Variants in PDE12 observed in about 807,000 individuals in gnomAD.
PDE12 encodes phosphodiesterase 12.
In PDE12, 26 loss-of-function variants were observed where a neutral mutation model predicts 45.4. The observed-to-expected ratio is 0.57, with a 90% CI of 0.42 to 0.79. The LOEUF is 0.79. Among genes scored for constraint, PDE12 ranks in the 30% least tolerant of loss-of-function variants. The probability of loss-of-function intolerance (pLI) is 0.00; values close to 1 mark genes in which losing one functional copy is unlikely to be tolerated. For synonymous variants in PDE12, 283 were observed against 323.9 expected, an observed-to-expected ratio of 0.87 and a Z score of 1.36; for missense variants, 668 against 790.0, an observed-to-expected ratio of 0.85 and a Z score of 1.85.
the PDE12 span, among the ~76,000 whole-genome samples, chr3:57,650,688 T>A: frequency 4.6e-5 from 7 of 152,172 alleles, no homozygotes; most frequent in East Asian, 1.4e-3. Context: ...TACACAAATG[T>A]GGACAGTAGC....
chr3:57,614,305 A>C, the PDE12 span, among the ~76,000 whole-genome samples: 1 of 152,202 alleles, frequency 6.6e-6, no homozygotes, highest in Non-Finnish European at 1.5e-5. Context: ...CAAGTCATAC[A>C]AAGTATGTTC....
At chr3:57,613,915 A>AG in the PDE12 span, among the ~76,000 whole-genome samples, 1 of 151,102 alleles carries the variant, frequency 6.6e-6, no homozygotes, top group Non-Finnish European at 1.5e-5. Flanking sequence ...AAAAAAAAAA[A>AG]AAAAAAAAGA....
the PDE12 span, among the ~76,000 whole-genome samples, chr3:57,613,184 T>C: frequency 2.5e-4 from 38 of 151,722 alleles, no homozygotes; most frequent in Non-Finnish European, 4.3e-4. Flanking sequence ...TTTCACCATG[T>C]TACCCAGGCT....
At chr3:57,606,786 C>T in the PDE12 span, among the ~76,000 whole-genome samples, 82 of 152,178 alleles carry the variant, frequency 5.4e-4, no homozygotes, top group Non-Finnish European at 8.8e-4. Context: ...TATATAATAG[C>T]GGGGCAGTTC....
At chr3:57,575,777 T>A in the PDE12 span, 1 of 1,245,368 alleles carries the variant, frequency 8.0e-7, no homozygotes, top group Non-Finnish European at 1.1e-6. Context: ...TTATTAAACA[T>A]TAACCTAATT....
At chr3:57,635,711 T>A in the PDE12 span, among the ~76,000 whole-genome samples, 4 of 152,222 alleles carry the variant, frequency 2.6e-5, no homozygotes, top group African/African-American at 9.6e-5. Context: ...AATCTTATAT[T>A]GCTAAAAAAT....
chr3:57,614,849 C>T, the PDE12 span, among the ~76,000 whole-genome samples: 1 of 151,172 alleles, frequency 6.6e-6, no homozygotes, highest in Non-Finnish European at 1.5e-5. Flanking sequence ...AAAAATTAGT[C>T]GGGCGTGGTG....
the PDE12 span, chr3:57,646,364 A>G: frequency 6.2e-7 from 1 of 1,614,120 alleles, no homozygotes; most frequent in Admixed American, 1.7e-5. Flanking sequence ...TGATGGCGCC[A>G]TAACCACAAG....
At chr3:57,612,463 A>G in the PDE12 span, among the ~76,000 whole-genome samples, 1 of 152,140 alleles carries the variant, frequency 6.6e-6, no homozygotes, top group Non-Finnish European at 1.5e-5. Flanking sequence ...TAATCACTCA[A>G]AAGAGATAAA....
At chr3:57,647,628 A>G in the PDE12 span, among the ~76,000 whole-genome samples, 1 of 152,158 alleles carries the variant, frequency 6.6e-6, no homozygotes, top group Non-Finnish European at 1.5e-5. Flanking sequence ...AGGTTGTCAC[A>G]ATGTGGGACC....
the PDE12 span, chr3:57,584,176 T>C: frequency 1.4e-6 from 1 of 698,448 alleles, no homozygotes; most frequent in African/African-American, 1.8e-5. Context: ...TTATGCAGGC[T>C]GGTCTTGAAC....
chr3:57,615,574 C>T, the PDE12 span, among the ~76,000 whole-genome samples: 438 of 152,084 alleles, frequency 2.9e-3, 1 homozygote, highest in Non-Finnish European at 4.9e-3. Flanking sequence ...GAGGCCGAGG[C>T]GGGTGGATCA....
At chr3:57,607,413 G>T in the PDE12 span, among the ~76,000 whole-genome samples, 5 of 152,144 alleles carry the variant, frequency 3.3e-5, no homozygotes, top group Admixed American at 1.3e-4. Context: ...TGAGTTGGGA[G>T]AAGAAGGCTT....
chr3:57,570,982 TTTG>T (rs752902401), downstream of PDE12, among the ~76,000 whole-genome samples: 41 of 151,750 alleles, frequency 2.7e-4, no homozygotes, highest in Middle Eastern at 3.4e-3. Context: ...ACCTGATTTT[TTTG>T]TTGTTGTTGT....
chr3:57,603,118 G>T, the PDE12 span, among the ~76,000 whole-genome samples: 1 of 151,764 alleles, frequency 6.6e-6, no homozygotes, highest in African/African-American at 2.4e-5. Context: ...AGTGAGCCAA[G>T]ATCGTGCCAC....
At chr3:57,559,216 C>A in intron 1 of PDE12, 94 bp from the exon 2 acceptor site, 1 of 1,034,410 alleles carries the variant, frequency 9.7e-7, no homozygotes, top group Non-Finnish European at 1.5e-6. Flanking sequence ...GTGAGACTGT[C>A]TCGAAAAAAC....
At chr3:57,585,787 G>A in the PDE12 span, among the ~76,000 whole-genome samples, 7 of 150,828 alleles carry the variant, frequency 4.6e-5, no homozygotes, top group Admixed American at 6.7e-5. Context: ...CTCAGCTTCC[G>A]GAGTAACTGG....
the PDE12 span, among the ~76,000 whole-genome samples, chr3:57,592,003 A>G: frequency 6.6e-6 from 1 of 152,322 alleles, no homozygotes; most frequent in Admixed American, 6.5e-5. Context: ...CTTTGAATAC[A>G]TATACTAAAA....
downstream of PDE12, chr3:57,571,447 AACTCT>A (rs562224016): frequency 4.5e-4 from 69 of 152,762 alleles, no homozygotes; most frequent in Admixed American, 1.5e-3. Context: ...GTTTTCCAAA[AACTCT>A]TAATGAAGAT....
Sources: gnomAD v4.1 joint callset for allele counts (sites outside exome capture counted in the v4.1 genomes callset) on GRCh38, gnomAD v4.1.1 for gene constraint, MANE v1.5 for transcripts, NCBI Gene and HGNC (gene_info 2026-07-23, HGNC 2026-07-21) for gene names.